Variants in DNAAF11 observed in about 807,000 individuals in gnomAD.
The protein encoded by DNAAF11 is dynein axonemal assembly factor 11.
DNAAF11 carries 45 observed loss-of-function variants against 60.8 expected under a neutral mutation model. The ratio of observed to expected loss-of-function variants is 0.74; its 90% CI spans 0.58 to 0.95. The LOEUF is 0.95. Ranked by LOEUF, DNAAF11 falls within the 40% of genes least tolerant of loss-of-function variation. DNAAF11 has a pLI of 0.00. For missense variants in DNAAF11, 546 were observed against 546.2 expected, an observed-to-expected ratio of 1.00 and a Z score of 0.00; for synonymous variants, 191 against 183.5, an observed-to-expected ratio of 1.04 and a Z score of -0.33.
chr8:132,650,980 T>A (rs1236768530), intron 3 of DNAAF11, among the ~76,000 whole-genome samples: 1 of 152,228 alleles, frequency 6.6e-6, no homozygotes, highest in Non-Finnish European at 1.5e-5. Flanking sequence ...AAACTACATT[T>A]GTCATCCCAA....
At chr8:132,586,856 C>T (rs892203945) in intron 10 of DNAAF11, among the ~76,000 whole-genome samples, 1 of 152,156 alleles carries the variant, frequency 6.6e-6, no homozygotes, top group Admixed American at 6.5e-5. Flanking sequence ...TGTTGACCCC[C>T]AGGGCACTTC....
At chr8:132,638,734 G>A (rs1348354392) in intron 3 of DNAAF11, among the ~76,000 whole-genome samples, 1 of 152,160 alleles carries the variant, frequency 6.6e-6, no homozygotes, top group Non-Finnish European at 1.5e-5. Flanking sequence ...AAAAGGGTGA[G>A]TCACTGAAGT....
intron 10 of DNAAF11, among the ~76,000 whole-genome samples, chr8:132,594,861 T>C (rs748266142): frequency 1.3e-5 from 2 of 152,172 alleles, no homozygotes; most frequent in Non-Finnish European, 2.9e-5. Flanking sequence ...TATAGCAGTG[T>C]GAGAACGGAC....
intron 10 of DNAAF11, among the ~76,000 whole-genome samples, chr8:132,591,719 G>A (rs961230964): frequency 2.0e-5 from 3 of 152,000 alleles, no homozygotes; most frequent in African/African-American, 4.8e-5. Context: ...TGTTGAGCAC[G>A]TGGTAAGCCC....
At chr8:132,683,364 G>A in the DNAAF11 span, among the ~76,000 whole-genome samples, 4 of 152,244 alleles carry the variant, frequency 2.6e-5, no homozygotes, top group South Asian at 6.2e-4. Context: ...GAAAATCATT[G>A]AGCTAAAGAC....
the DNAAF11 span, among the ~76,000 whole-genome samples, chr8:132,694,588 A>G: frequency 6.6e-6 from 1 of 152,250 alleles, no homozygotes; most frequent in South Asian, 2.1e-4. Flanking sequence ...TACAGGGCAA[A>G]GATGAATCCT....
chr8:132,698,944 A>ATATTTTGTGTGTGTG, the DNAAF11 span, among the ~76,000 whole-genome samples: 6 of 142,538 alleles, frequency 4.2e-5, no homozygotes, highest in Non-Finnish European at 7.5e-5. Flanking sequence ...ATACATATAT[A>ATATTTTGTGTGTGTG]TATATATATA....
upstream of DNAAF11, among the ~76,000 whole-genome samples, chr8:132,677,106 G>A (rs947663184): frequency 4.6e-5 from 7 of 152,154 alleles, no homozygotes; most frequent in Admixed American, 3.3e-4. Context: ...ATCTGTGGTC[G>A]TGCCACTGAC....
Position 132,639,856 on chromosome 8 carries a change from T to TA in DNAAF11, c.257-1750dup, listed in dbSNP as rs879413047. The stretch of plus-strand genomic sequence containing the variant: ...GAGCAAGCTCTTTAGGATAAACTGA[T>TA]AAAAAAAAAAAATCATGGTCCCTGA... On this transcript the variant is annotated intron_variant, in intron 3 of 11. Transcript: ENST00000620350. 4.5e-3 allele frequency among the ~76,000 whole-genome samples: 623 copies of TA among 137,948 alleles called. 4 individuals are homozygous for TA. Among genetic ancestry groups the TA allele is most frequent in the African/African-American group, 0.014 (530 of 37,710 alleles). 90.5% of individuals were successfully genotyped at this position (137,948 alleles called of 152,430 possible). A position where few individuals can be genotyped will look rare whatever the true frequency, so the allele number is the denominator to read the frequency against.
chr8:132,585,195 T>C (rs1336301442), intron 10 of DNAAF11, among the ~76,000 whole-genome samples: 1 of 152,196 alleles, frequency 6.6e-6, no homozygotes, highest in African/African-American at 2.4e-5. Flanking sequence ...AGGTTTGGGC[T>C]CTGATGGATG....
At chr8:132,604,307 G>A (rs928974454) in intron 10 of DNAAF11, among the ~76,000 whole-genome samples, 1 of 152,140 alleles carries the variant, frequency 6.6e-6, no homozygotes, top group Non-Finnish European at 1.5e-5. Context: ...TTGAGATTGT[G>A]TTTTTTAGAA....
intron 7 of DNAAF11, among the ~76,000 whole-genome samples, chr8:132,615,631 A>C (rs533218247): frequency 2.6e-5 from 4 of 152,262 alleles, no homozygotes; most frequent in Non-Finnish European, 4.4e-5. Context: ...TTATAGATGA[A>C]GAAACAGAGG....
chr8:132,642,526 C>T (rs1400929563), intron 3 of DNAAF11, among the ~76,000 whole-genome samples: 1 of 152,218 alleles, frequency 6.6e-6, no homozygotes, highest in Non-Finnish European at 1.5e-5. Context: ...AAGGATTGCC[C>T]TGCAAATAAT....
intron 3 of DNAAF11, among the ~76,000 whole-genome samples, chr8:132,643,861 A>C (rs554109569): frequency 6.6e-6 from 1 of 152,216 alleles, no homozygotes; most frequent in South Asian, 2.1e-4. Context: ...GACAAGGGAC[A>C]TAAGTATAGC....
chr8:132,632,698 T>C (rs1820911609), intron 5 of DNAAF11, 42 bp downstream of exon 5: 1 of 1,420,068 alleles, frequency 7.0e-7, no homozygotes, highest in Admixed American at 1.7e-5. Context: ...TTTGCTGCTT[T>C]TAACAAAAGT....
upstream of DNAAF11, among the ~76,000 whole-genome samples, chr8:132,678,596 G>T (rs1337691444): frequency 6.6e-6 from 1 of 151,878 alleles, no homozygotes; most frequent in Non-Finnish European, 1.5e-5. Flanking sequence ...TGTTGCCCAG[G>T]CTGGTCTTGA....
intron 3 of DNAAF11, among the ~76,000 whole-genome samples, chr8:132,656,575 G>A (rs1025495324): frequency 5.9e-5 from 9 of 152,118 alleles, no homozygotes; most frequent in South Asian, 2.1e-4. Context: ...GGGTTCAAGC[G>A]ATTCTCCTGT....
At chr8:132,690,219 A>G in the DNAAF11 span, among the ~76,000 whole-genome samples, 1 of 152,164 alleles carries the variant, frequency 6.6e-6, no homozygotes, top group Non-Finnish European at 1.5e-5. Flanking sequence ...CTATGTCCCC[A>G]TGCAAATCTC....
At chr8:132,697,333 T>C in the DNAAF11 span, among the ~76,000 whole-genome samples, 16 of 152,244 alleles carry the variant, frequency 1.1e-4, no homozygotes, top group Admixed American at 2.0e-4. Context: ...CATAACTCAA[T>C]AAAGCAGTTT....
Sources: allele counts gnomAD v4.1 joint callset (sites outside exome capture counted in the v4.1 genomes callset), GRCh38; gene constraint gnomAD v4.1.1; transcripts MANE v1.5; gene names NCBI Gene and HGNC (gene_info 2026-07-23, HGNC 2026-07-21).